Variants in PAPPA observed in about 807,000 individuals in gnomAD.
PAPPA encodes the protein pappalysin-1.
Under a neutral mutation model 164.0 loss-of-function variants are expected in PAPPA, and 60 were observed. The observed-to-expected ratio is 0.37, with a 90% confidence interval of 0.30 to 0.45. The LOEUF is 0.45. PAPPA is among the 20% of genes least tolerant of loss of function. PAPPA has a pLI of 1.00. For synonymous variants in PAPPA, 875 were observed against 814.1 expected, an observed-to-expected ratio of 1.07 and a Z score of -1.27; for missense variants, 1,782 against 2,087.3, an observed-to-expected ratio of 0.85 and a Z score of 2.85.
intron 1 of PAPPA, among the ~76,000 whole-genome samples, chr9:116,182,636 A>C (rs182034727): frequency 6.6e-6 from 1 of 152,300 alleles, no homozygotes; most frequent in Admixed American, 6.5e-5. Flanking sequence ...GACTCTTTCC[A>C]TGCCTTTGAG....
intron 13 of PAPPA, among the ~76,000 whole-genome samples, chr9:116,338,359 G>T (rs1172914349): frequency 2.6e-5 from 4 of 152,088 alleles, no homozygotes; most frequent in African/African-American, 9.7e-5. Flanking sequence ...GGCCAACTTT[G>T]GGGGGCAACA....
chr9:116,334,578 G>A (rs568417438), intron 12 of PAPPA, among the ~76,000 whole-genome samples: 2 of 152,116 alleles, frequency 1.3e-5, no homozygotes, highest in Admixed American at 1.3e-4. Flanking sequence ...GGGATGCTTG[G>A]CTGAGGGGTG....
intron 1 of PAPPA, among the ~76,000 whole-genome samples, chr9:116,183,902 A>G (rs1443728236): frequency 6.6e-6 from 1 of 152,134 alleles, no homozygotes. Flanking sequence ...AAGGTTCTGA[A>G]CTGAGAGCAC....
Position 116,357,402 on chromosome 9 carries a change from T to C in PAPPA, c.4347+3609T>C, listed in dbSNP as rs1846368112. 2.6e-5 allele frequency among the ~76,000 whole-genome samples: 4 copies of C among 152,368 alleles called. No individual in the cohort carries two copies. The South Asian group carries it at 8.3e-4, about 32-fold the overall frequency. On this transcript the variant is annotated intron_variant, in intron 17 of 21. Transcript: ENST00000328252. ...ATAACAGCTTTCTTTGTCTTTGTTTTTGAGTGTCAAATGTGTGCCAAGCTG... is the reference window on the plus strand; with the variant it reads ...ATAACAGCTTTCTTTGTCTTTGTTTCTGAGTGTCAAATGTGTGCCAAGCTG...
Position 116,154,472 on chromosome 9 carries a change from C to T in PAPPA, c.300C>T (p.Ser100=). 3.9e-6 allele frequency: 5 copies of T among 1,298,340 alleles called. No individual in the cohort carries two copies. The highest frequency in any genetic ancestry group is 4.9e-6 in the Non-Finnish European group (5 of 1,022,514). 80.4% of individuals were successfully genotyped at this position (1,298,340 alleles called of 1,614,324 possible). A position where few individuals can be genotyped will look rare whatever the true frequency, so the allele number is the denominator to read the frequency against. The change falls in exon 1 of 22, where the codon AGC becomes AGT. Residue 100 remains serine (S), a synonymous_variant. Coordinates refer to ENST00000328252, the MANE Select transcript of PAPPA (RefSeq NM_002581.5). This position sits in a 1 kb window ranked among gnomAD's most constrained non-coding sequence, Gnocchi z 5.2. ...PSPPSRALYF[S]GRGEQLRLRA... ...CGCCGAGCCGGGCGCTCTATTTCAG[C>T]GGGCGAGGCGAGCAGCTGCGCCTCC...
intron 19 of PAPPA, among the ~76,000 whole-genome samples, chr9:116,368,176 A>C (rs1458654011): frequency 6.6e-6 from 1 of 152,154 alleles, no homozygotes; most frequent in East Asian, 1.9e-4. Flanking sequence ...GTAGCCTTCC[A>C]CTTTACATAG....
intron 5 of PAPPA, among the ~76,000 whole-genome samples, chr9:116,222,253 TGTG>T (rs983792126): frequency 6.6e-6 from 1 of 152,068 alleles, no homozygotes; most frequent in African/African-American, 2.4e-5. Context: ...GTAAAGAAAA[TGTG>T]GTGTACAGAT....
intron 2 of PAPPA, among the ~76,000 whole-genome samples, chr9:116,190,580 A>G (rs1844028776): frequency 1.3e-5 from 2 of 152,252 alleles, no homozygotes; most frequent in South Asian, 4.1e-4. Context: ...AAATTAAAAG[A>G]CAAGTGATAG....
intron 10 of PAPPA, 67 bp from the exon 11 acceptor site, chr9:116,331,177 A>G (rs1845986021): frequency 9.6e-7 from 1 of 1,037,462 alleles, no homozygotes; most frequent in South Asian, 1.4e-5. Flanking sequence ...AAGGTTTGTA[A>G]AATTGAATTT....
intron 7 of PAPPA, among the ~76,000 whole-genome samples, chr9:116,241,859 C>A (rs1844739774): frequency 6.6e-6 from 1 of 152,086 alleles, no homozygotes; most frequent in South Asian, 2.1e-4. Flanking sequence ...TGAGTCACCA[C>A]TTTCTTTCTT....
chr9:116,375,896 T>C (rs1470258847), intron 19 of PAPPA, among the ~76,000 whole-genome samples: 1 of 152,260 alleles, frequency 6.6e-6, no homozygotes, highest in Non-Finnish European at 1.5e-5. Flanking sequence ...TGTTCACAGT[T>C]ACCTGTCACT....
intron 21 of PAPPA, among the ~76,000 whole-genome samples, chr9:116,395,858 T>A (rs1213904209): frequency 6.6e-6 from 1 of 152,218 alleles, no homozygotes. Flanking sequence ...CATCATTGCC[T>A]ACTAAAGTCA....
chr9:116,320,143 T>G (rs936738059), intron 10 of PAPPA, among the ~76,000 whole-genome samples: 4 of 152,226 alleles, frequency 2.6e-5, no homozygotes, highest in Admixed American at 6.5e-5. Flanking sequence ...GGGCAATACG[T>G]CTTATATGAT....
Position 116,235,408 on chromosome 9 carries a change from T to C in PAPPA, c.2503T>C (p.Cys835Arg). 6.2e-7 allele frequency: 1 copy of C among 1,613,994 alleles called. No homozygotes were observed. The highest frequency in any genetic ancestry group is 2.2e-5 in the East Asian group (1 of 44,840). ...CTCCCTGGGTCCTCAGAATGTCTTC[T>C]GTGATGTCCCACTGACCATCAGACT... ...NISLGPQNVF[C>R]DVPLTIRLWD... Residue 835 changes from cysteine (C) to arginine (R), a missense_variant, in exon 7 of 22, where the codon TGT (cysteine) becomes CGT (arginine). Cys to Arg is a radical substitution (Grantham distance 180). Coordinates refer to ENST00000328252, the MANE Select transcript of PAPPA (RefSeq NM_002581.5).
rs77731355 is a variant in PAPPA, at chr9:116,261,887, G to GTTTTGTTTTGTTT, written c.2733-3969_2733-3968insTTTGTTTTGTTTT. Among the ~76,000 whole-genome samples, 253 of 151,060 alleles carry GTTTTGTTTTGTTT rather than the reference G, an allele frequency of 1.7e-3. 2 individuals are homozygous for GTTTTGTTTTGTTT. Among genetic ancestry groups the GTTTTGTTTTGTTT allele is most frequent in the African/African-American group, 5.9e-3 (242 of 41,064 alleles). On this transcript the variant is annotated intron_variant, in intron 7 of 21. Transcript: ENST00000328252. The stretch of plus-strand genomic sequence containing the variant: ...GAATGACGGTTAAATGTAGAAAAAA[G>GTTTTGTTTTGTTT]TGTTTTGTTTTGTTTTGTTTTGTTT...
At chr9:116,298,977 T>C (rs1845545042) in intron 9 of PAPPA, among the ~76,000 whole-genome samples, 1 of 152,212 alleles carries the variant, frequency 6.6e-6, no homozygotes, top group African/African-American at 2.4e-5. Flanking sequence ...AGTGTTTTGT[T>C]GTTGCTGTCT....
intron 1 of PAPPA, among the ~76,000 whole-genome samples, chr9:116,175,881 C>A (rs1231761603): frequency 6.6e-6 from 1 of 152,124 alleles, no homozygotes; most frequent in Non-Finnish European, 1.5e-5. Flanking sequence ...AACTAAACAA[C>A]CAAAAACAGT....
intron 4 of PAPPA, among the ~76,000 whole-genome samples, chr9:116,216,307 T>C (rs1844370905): frequency 6.6e-6 from 1 of 152,138 alleles, no homozygotes; most frequent in Non-Finnish European, 1.5e-5. Flanking sequence ...CAGCATTGTG[T>C]CCAAAGTCCT....
At position 116,396,569 on chromosome 9, in the gene PAPPA, G is replaced by T; in HGVS notation, c.4837G>T (p.Ala1613Ser). The T allele has an allele frequency of 2.6e-6, 2 of 780,820 alleles. No homozygotes were observed. The highest frequency in any genetic ancestry group is 4.9e-5 in the East Asian group (2 of 41,228). 48.4% of individuals were successfully genotyped at this position (780,820 alleles called of 1,614,324 possible). A position where few individuals can be genotyped will look rare whatever the true frequency, so the allele number is the denominator to read the frequency against. Reference sequence around the variant, plus strand: ...TGACTGTGCTTGTCGGGACCCCCAGGCCCAAGAACACAGCCGGAAAGACCT... The same window carrying T: ...TGACTGTGCTTGTCGGGACCCCCAGTCCCAAGAACACAGCCGGAAAGACCT... ...QGDCACRDPQAQEHSRKDLRG... is the reference protein window; with the variant it reads ...QGDCACRDPQSQEHSRKDLRG... The change falls in exon 22 of 22, where the codon GCC becomes TCC. Residue 1613 changes from alanine (A) to serine (S), a missense_variant. Ala to Ser is a moderately conservative substitution (Grantham distance 99). This residue lies in a region of PAPPA where 1,324 missense variants were observed against 1,656.9 expected (regional missense o/e 0.80). Coordinates refer to ENST00000328252, the MANE Select transcript of PAPPA (RefSeq NM_002581.5).
Sources: allele counts gnomAD v4.1 joint callset (sites outside exome capture counted in the v4.1 genomes callset), GRCh38; gene constraint gnomAD v4.1.1; regional missense constraint gnomAD v4.1.1; non-coding constraint Gnocchi (gnomAD v3.1); transcripts MANE v1.5; gene names NCBI Gene and HGNC (gene_info 2026-07-23, HGNC 2026-07-21).